Variants in NPHP4 observed in about 807,000 individuals in gnomAD.
The protein encoded by NPHP4 is nephrocystin-4.
Under a neutral mutation model 155.8 loss-of-function variants are expected in NPHP4, and 151 were observed. The observed-to-expected ratio is 0.97, with a 90% CI of 0.85 to 1.11. The LOEUF (loss-of-function observed/expected upper bound fraction) is 1.11. NPHP4 is among the 50% of genes least tolerant of loss of function. The pLI is 0.00. For synonymous variants in NPHP4, 845 were observed against 816.8 expected (o/e 1.03, Z -0.59); for missense variants, 1,956 against 1,925.7 (o/e 1.02, Z -0.29).
At chr1:5,946,637 T>C (rs1273202851) in intron 9 of NPHP4, among the ~76,000 whole-genome samples, 1 of 152,246 alleles carries the variant, frequency 6.6e-6, no homozygotes, top group Admixed American at 6.5e-5. Context: ...TGCTATCTTT[T>C]GTGTGCTAAT....
At chr1:5,989,086 T>C (rs1422750450) in intron 1 of NPHP4, among the ~76,000 whole-genome samples, 2 of 152,128 alleles carry the variant, frequency 1.3e-5, no homozygotes, top group South Asian at 2.1e-4. Context: ...ACTGCAGTGA[T>C]TGCTTCAAGG....
At chr1:5,964,105 C>G (rs144618642) in intron 5 of NPHP4, among the ~76,000 whole-genome samples, 2 of 152,148 alleles carry the variant, frequency 1.3e-5, no homozygotes, top group Non-Finnish European at 2.9e-5. Flanking sequence ...TTTCTGTGTA[C>G]TGATAGGAAA....
intron 1 of NPHP4, among the ~76,000 whole-genome samples, chr1:5,986,645 TTCAC>T (rs1450246423): frequency 1.3e-5 from 2 of 152,190 alleles, no homozygotes; most frequent in African/African-American, 4.8e-5. Flanking sequence ...CATGGGATGA[TTCAC>T]TTTTCCTGTG....
chr1:5,894,497 TACTC>T (rs1644298009), intron 16 of NPHP4, among the ~76,000 whole-genome samples: 1 of 151,514 alleles, frequency 6.6e-6, no homozygotes, highest in South Asian at 2.1e-4. Flanking sequence ...ATTTGCAACT[TACTC>T]ATAAATAACT....
chr1:5,954,200 T>G (rs973479626), intron 6 of NPHP4, among the ~76,000 whole-genome samples: 1 of 152,136 alleles, frequency 6.6e-6, no homozygotes, highest in Non-Finnish European at 1.5e-5. Context: ...TTTATTATAA[T>G]AGAGAAAAAT....
At chr1:5,884,910 GCC>G (rs1643644654) in intron 18 of NPHP4, among the ~76,000 whole-genome samples, 3 of 134,070 alleles carry the variant, frequency 2.2e-5, no homozygotes, top group South Asian at 2.4e-4. Flanking sequence ...CAAGCTCCCA[GCC>G]AAACCCGTCC....
chr1:5,900,343 T>A (rs954394241), intron 16 of NPHP4, among the ~76,000 whole-genome samples: 1 of 152,190 alleles, frequency 6.6e-6, no homozygotes, highest in Non-Finnish European at 1.5e-5. Flanking sequence ...AAAAACAGGC[T>A]GTGGCACATA....
At chr1:5,935,604 G>A (rs533628858) in intron 9 of NPHP4, among the ~76,000 whole-genome samples, 17 of 152,290 alleles carry the variant, frequency 1.1e-4, no homozygotes, top group African/African-American at 3.4e-4. Context: ...GCCAGGCACG[G>A]TGGCTCACGC....
intron 3 of NPHP4, among the ~76,000 whole-genome samples, chr1:5,970,937 A>G (rs1652449668): frequency 6.6e-6 from 1 of 152,230 alleles, no homozygotes; most frequent in East Asian, 1.9e-4. Context: ...TGGTTGGACT[A>G]AGAGAGAATT....
At chr1:5,929,235 T>C (rs1646159366) in intron 10 of NPHP4, among the ~76,000 whole-genome samples, 1 of 152,204 alleles carries the variant, frequency 6.6e-6, no homozygotes, top group Admixed American at 6.5e-5. Flanking sequence ...ACAATCACGT[T>C]TTCTGCAAAT....
chr1:5,911,876 G>C (rs1386077639), intron 11 of NPHP4, among the ~76,000 whole-genome samples: 1 of 152,180 alleles, frequency 6.6e-6, no homozygotes. Flanking sequence ...CAGCGCGGCC[G>C]CCAGGGAGCA....
intron 18 of NPHP4, among the ~76,000 whole-genome samples, chr1:5,883,328 C>T (rs1037098057): frequency 6.6e-6 from 1 of 152,334 alleles, no homozygotes; most frequent in South Asian, 2.1e-4. Flanking sequence ...CTCCGGGCCA[C>T]GCTGCCCTCC....
At chr1:5,966,909 C>G (rs918888071) in intron 5 of NPHP4, among the ~76,000 whole-genome samples, 1 of 152,380 alleles carries the variant, frequency 6.6e-6, no homozygotes, top group Non-Finnish European at 1.5e-5. Context: ...CTGCTCTGCT[C>G]TAAGGCGGCC....
At chr1:5,915,866 C>T (rs953627537) in intron 11 of NPHP4, among the ~76,000 whole-genome samples, 1 of 152,170 alleles carries the variant, frequency 6.6e-6, no homozygotes, top group Non-Finnish European at 1.5e-5. Flanking sequence ...GCTCCATGGC[C>T]TTAGACTCTC....
At position 5,865,254 on chromosome 1, in the gene NPHP4, G is replaced by C. The variant is rs1038494626; in HGVS notation, c.3664C>G (p.Pro1222Ala). 2.0e-5 allele frequency: 32 copies of C among 1,575,512 alleles called. No individual in the cohort carries two copies. The highest frequency in any genetic ancestry group is 2.5e-5 in the Non-Finnish European group (29 of 1,153,880). Residue 1222 changes from proline (P) to alanine (A), a missense_variant, in exon 27 of 30, where the codon CCC becomes GCC. Physicochemically the swap from Pro to Ala is conservative, Grantham distance 27. Coordinates refer to ENST00000378156, the MANE Select transcript of NPHP4 (RefSeq NM_015102.5). Reference protein sequence around the residue: ...IIYSDRWLATPTQTWQVYLHS... With the variant: ...IIYSDRWLATATQTWQVYLHS... The stretch of plus-strand genomic sequence containing the variant: ...AGGTAGACCTGCCACGTCTGTGTGG[G>C]TGTCGCCAGCCAGCGATCCCTGCAG...
chr1:5,877,511 G>A, intron 19 of NPHP4: 3 of 410,652 alleles, frequency 7.3e-6, no homozygotes, highest in Non-Finnish European at 1.3e-5. Context: ...CCTTTCCTCA[G>A]CCTTCAAATT....
chr1:5,971,090 T>C (rs553950674), intron 3 of NPHP4, among the ~76,000 whole-genome samples: 12 of 152,312 alleles, frequency 7.9e-5, no homozygotes, highest in South Asian at 2.1e-4. Context: ...AATAAACATT[T>C]TCAACTCTGA....
At chr1:5,971,884 C>A (rs11588889) in intron 3 of NPHP4, among the ~76,000 whole-genome samples, 92,507 of 152,214 alleles carry the variant, frequency 0.61, 28,306 homozygotes, top group East Asian at 0.76. Context: ...CCCTGCCTCG[C>A]AGCTCACTTA....
chr1:5,978,548 C>G, intron 2 of NPHP4, 135 bp from the exon 3 acceptor site: 4 of 786,324 alleles, frequency 5.1e-6, no homozygotes, highest in Non-Finnish European at 8.2e-6. Context: ...GGGAGGCTAC[C>G]TCTCTCCCAC....
Sources: allele counts gnomAD v4.1 joint callset (sites outside exome capture counted in the v4.1 genomes callset), GRCh38; gene constraint gnomAD v4.1.1; transcripts MANE v1.5; gene names NCBI Gene and HGNC (gene_info 2026-07-23, HGNC 2026-07-21).